GRIN2A: variants seen among roughly 807,000 people sequenced by gnomAD.
GRIN2A encodes the protein glutamate ionotropic receptor NMDA type subunit 2A, also known as glutamate receptor ionotropic, NMDA 2A.
Under a neutral mutation model 113.4 loss-of-function variants are expected in GRIN2A, and 22 were observed. The ratio of observed to expected loss-of-function variants is 0.19; its 90% CI spans 0.14 to 0.28. The LOEUF (loss-of-function observed/expected upper bound fraction) is 0.28, where lower values mean the gene tolerates loss of function less well. Among genes scored for constraint, GRIN2A ranks in the 10% least tolerant of loss-of-function variants. The pLI is 1.00. For missense variants in GRIN2A, 1,502 were observed against 1,887.0 expected (o/e 0.80, Z 3.78); for synonymous variants, 827 against 738.4 (o/e 1.12, Z -1.94).
At chr16:10,031,846 G>T (rs72772337) in intron 2 of GRIN2A, among the ~76,000 whole-genome samples, 1 of 152,304 alleles carries the variant, frequency 6.6e-6, no homozygotes, top group Non-Finnish European at 1.5e-5. Context: ...AAGCACCAGG[G>T]TCTTCTCAGG....
intron 2 of GRIN2A, among the ~76,000 whole-genome samples, chr16:10,044,599 T>C (rs539625457): frequency 6.6e-6 from 1 of 150,630 alleles, no homozygotes; most frequent in African/African-American, 2.5e-5. Context: ...TTTTGAAAAG[T>C]TTTTAGACAA....
At chr16:10,068,714 A>T (rs1352467474) in intron 2 of GRIN2A, among the ~76,000 whole-genome samples, 4 of 152,252 alleles carry the variant, frequency 2.6e-5, no homozygotes. Flanking sequence ...GGCAGATAAT[A>T]GATAATGTAC....
At chr16:10,115,432 T>A (rs1475458165) in intron 2 of GRIN2A, among the ~76,000 whole-genome samples, 4 of 152,190 alleles carry the variant, frequency 2.6e-5, no homozygotes, top group Non-Finnish European at 5.9e-5. Flanking sequence ...TTGACCCCAC[T>A]CCTCTCTTGT....
intron 2 of GRIN2A, among the ~76,000 whole-genome samples, chr16:9,957,347 C>T (rs927265364): frequency 1.3e-5 from 2 of 152,210 alleles, no homozygotes; most frequent in Non-Finnish European, 1.5e-5. Flanking sequence ...GGGCTGCTCT[C>T]ACTGTGGGAC....
intron 3 of GRIN2A, among the ~76,000 whole-genome samples, chr16:9,923,855 G>A (rs1442043613): frequency 6.6e-6 from 1 of 152,018 alleles, no homozygotes; most frequent in African/African-American, 2.4e-5. Flanking sequence ...GGCTGGGCAT[G>A]GTGGCTCACG....
chr16:9,964,792 G>A (rs375230567), intron 2 of GRIN2A, among the ~76,000 whole-genome samples: 72 of 152,150 alleles, frequency 4.7e-4, no homozygotes, highest in African/African-American at 1.5e-3. Flanking sequence ...AGGATCATCC[G>A]AATCTCAAGG....
chr16:9,786,542 G>C (rs1902241877), intron 11 of GRIN2A, among the ~76,000 whole-genome samples: 1 of 152,152 alleles, frequency 6.6e-6, no homozygotes, highest in Non-Finnish European at 1.5e-5. Flanking sequence ...ATTAGTAAAA[G>C]AGGAAGGAGC....
At chr16:10,003,615 T>G (rs1236586347) in intron 2 of GRIN2A, among the ~76,000 whole-genome samples, 1 of 152,190 alleles carries the variant, frequency 6.6e-6, no homozygotes, top group Non-Finnish European at 1.5e-5. Flanking sequence ...CTGGTTGCCT[T>G]AGCAATGAGA....
At chr16:10,011,430 C>T (rs1000400761) in intron 2 of GRIN2A, among the ~76,000 whole-genome samples, 1 of 152,164 alleles carries the variant, frequency 6.6e-6, no homozygotes, top group Non-Finnish European at 1.5e-5. Context: ...ATTCTATTTC[C>T]TTTTGCCTTG....
At chr16:10,107,987 G>A (rs578259608) in intron 2 of GRIN2A, among the ~76,000 whole-genome samples, 3 of 152,162 alleles carry the variant, frequency 2.0e-5, no homozygotes, top group South Asian at 4.2e-4. Flanking sequence ...TATGCAAAAG[G>A]CCAACCCTGG....
chr16:10,172,914 C>A (rs1285552964), intron 2 of GRIN2A, among the ~76,000 whole-genome samples: 1 of 152,184 alleles, frequency 6.6e-6, no homozygotes, highest in Non-Finnish European at 1.5e-5. Context: ...GTTCCTGTTT[C>A]TCTTCTGCAC....
intron 2 of GRIN2A, among the ~76,000 whole-genome samples, chr16:10,177,403 C>G (rs1391097182): frequency 1.3e-5 from 2 of 152,174 alleles, no homozygotes; most frequent in East Asian, 3.9e-4. Flanking sequence ...GCCTCATCTC[C>G]CTACAGTTCC....
intron 3 of GRIN2A, among the ~76,000 whole-genome samples, chr16:9,913,384 A>G (rs970083531): frequency 6.6e-6 from 1 of 152,250 alleles, no homozygotes; most frequent in Non-Finnish European, 1.5e-5. Context: ...TTGCAGAATG[A>G]GATTCTATTC....
Position 10,096,365 on chromosome 16 carries a change from G to A in GRIN2A, c.414+83633C>T, listed in dbSNP as rs75986800. 3.5e-3 allele frequency among the ~76,000 whole-genome samples: 527 copies of A among 152,130 alleles called. 4 individuals carry two copies. Among genetic ancestry groups the A allele is most frequent in the African/African-American group, 0.012 (479 of 41,498 alleles). ...AGACTTGTAACAAATGCAGATTCTT[G>A]GGCCTCACCCAGACCTACTGAATCT... On this transcript the variant is annotated intron_variant, in intron 2 of 12. Coordinates refer to ENST00000330684, the MANE Select transcript of GRIN2A (RefSeq NM_001134407.3).
Position 9,760,876 on chromosome 16 carries a change from A to G in GRIN2A, c.*2273T>C, listed in dbSNP as rs1409177769. The G allele has an allele frequency of 2.2e-5, 5 of 232,306 alleles. No homozygotes were observed. The Admixed American group carries it at 2.3e-4, about 10-fold the overall frequency. The allele number at this position is 232,306 out of a possible 1,614,324, so 14.4% of individuals were successfully genotyped here. On this transcript the variant is annotated 3_prime_UTR_variant, in exon 13 of 13. Transcript: ENST00000330684. Reference sequence around the variant, plus strand: ...GGATTAAGGTCTGGAATGCACTGGAAGGGCAGAAGGTAGAAAGGGCTAAAA... The same window carrying G: ...GGATTAAGGTCTGGAATGCACTGGAGGGGCAGAAGGTAGAAAGGGCTAAAA...
At chr16:10,064,158 G>A (rs1366818350) in intron 2 of GRIN2A, among the ~76,000 whole-genome samples, 2 of 152,160 alleles carry the variant, frequency 1.3e-5, no homozygotes, top group African/African-American at 2.4e-5. Flanking sequence ...TTGTTGGTGA[G>A]TGTTTTGTTT....
intron 4 of GRIN2A, among the ~76,000 whole-genome samples, chr16:9,884,825 C>G (rs1443680507): frequency 1.3e-5 from 2 of 149,462 alleles, no homozygotes; most frequent in East Asian, 2.0e-4. Flanking sequence ...TCTGGGTTCA[C>G]TGCAAGCTCC....
chr16:10,178,224 C>A lies in GRIN2A; in HGVS notation c.414+1774G>T, dbSNP rs147688140. 2.9e-4 allele frequency among the ~76,000 whole-genome samples: 44 copies of A among 152,314 alleles called. No homozygotes were observed. The East Asian group carries it at 8.1e-3, about 28-fold the overall frequency. The stretch of plus-strand genomic sequence containing the variant: ...CCTTCTTTAGAAGATTGGCCCCTCC[C>A]ATACAAAAGCCCTCTAGGCTGTGAT... On this transcript the variant is annotated intron_variant, in intron 2 of 12. Coordinates refer to ENST00000330684, the MANE Select transcript of GRIN2A (RefSeq NM_001134407.3).
chr16:9,770,244 A>G (rs960121724), intron 11 of GRIN2A, among the ~76,000 whole-genome samples: 1 of 152,224 alleles, frequency 6.6e-6, no homozygotes, highest in African/African-American at 2.4e-5. Flanking sequence ...TGCTAAATGA[A>G]AAGTATGACT....
Sources: gnomAD v4.1 joint callset for allele counts (sites outside exome capture counted in the v4.1 genomes callset) on GRCh38, gnomAD v4.1.1 for gene constraint, MANE v1.5 for transcripts, NCBI Gene and HGNC (gene_info 2026-07-23, HGNC 2026-07-21) for gene names.